STRN3: variants seen among roughly 807,000 people sequenced by gnomAD.
STRN3 encodes the protein striatin 3.
Under a neutral mutation model 95.6 loss-of-function variants are expected in STRN3, and 29 were observed. The ratio of observed to expected loss-of-function variants is 0.30; its 90% CI spans 0.23 to 0.41. STRN3 has a LOEUF of 0.41. Among genes scored for constraint, STRN3 ranks in the 10% least tolerant of loss-of-function variants. The pLI, the probability that STRN3 is intolerant of heterozygous loss-of-function variation, is 1.00. For missense variants in STRN3, 890 were observed against 972.1 expected (o/e 0.92, Z 1.12); for synonymous variants, 331 against 357.6 (o/e 0.93, Z 0.84).
chr14:30,911,668 ACATCTTTT>A, intron 12 of STRN3, 101 bp downstream of exon 12: 1 of 960,198 alleles, frequency 1.0e-6, no homozygotes, highest in Non-Finnish European at 1.5e-6. Context: ...TTCAAGTAAT[ACATCTTTT>A]CTAATACAAA....
chr14:30,954,888 T>C (rs1047591353), intron 3 of STRN3, among the ~76,000 whole-genome samples: 26 of 150,658 alleles, frequency 1.7e-4, no homozygotes, highest in Admixed American at 1.5e-3. Flanking sequence ...CTGAATATTC[T>C]AGCCATACTG....
chr14:30,966,013 C>T (rs1057108503), intron 1 of STRN3, among the ~76,000 whole-genome samples: 5 of 152,184 alleles, frequency 3.3e-5, no homozygotes, highest in African/African-American at 4.8e-5. Flanking sequence ...ACCTGCTCCA[C>T]TCTACATTCC....
At chr14:30,906,077 G>A (rs987900605) in intron 14 of STRN3, among the ~76,000 whole-genome samples, 6 of 152,104 alleles carry the variant, frequency 3.9e-5, no homozygotes, top group African/African-American at 1.4e-4. Flanking sequence ...GGCCTGAGCA[G>A]CAATTTCTCT....
At chr14:30,949,330 A>G (rs1156676818) in intron 4 of STRN3, among the ~76,000 whole-genome samples, 2 of 152,220 alleles carry the variant, frequency 1.3e-5, no homozygotes, top group Non-Finnish European at 2.9e-5. Context: ...ACATTTACAG[A>G]GGCCAGGTGC....
intron 1 of STRN3, among the ~76,000 whole-genome samples, chr14:30,975,603 A>AG (rs1881061606): frequency 6.6e-6 from 1 of 151,900 alleles, no homozygotes; most frequent in Non-Finnish European, 1.5e-5. Context: ...AAGAAAAGAA[A>AG]AAAGAAAAGA....
intron 4 of STRN3, among the ~76,000 whole-genome samples, chr14:30,948,973 G>A (rs1416578757): frequency 2.0e-5 from 3 of 152,178 alleles, no homozygotes; most frequent in South Asian, 4.1e-4. Flanking sequence ...ACTGACTCAT[G>A]GGCAATTATT....
chr14:30,954,534 T>C (rs1017610098), intron 3 of STRN3, among the ~76,000 whole-genome samples: 1 of 152,208 alleles, frequency 6.6e-6, no homozygotes, highest in African/African-American at 2.4e-5. Flanking sequence ...TTTGTTTGGT[T>C]TTCCACTAAA....
chr14:30,990,821 A>C (rs1004964572), intron 1 of STRN3, among the ~76,000 whole-genome samples: 3 of 152,178 alleles, frequency 2.0e-5, no homozygotes, highest in African/African-American at 7.2e-5. Context: ...ATGTAGGTGC[A>C]TGTAAATAGT....
At chr14:31,005,212 G>A (rs1390316873) in intron 1 of STRN3, among the ~76,000 whole-genome samples, 1 of 152,064 alleles carries the variant, frequency 6.6e-6, no homozygotes, top group African/African-American at 2.4e-5. Context: ...CACGCCAGAA[G>A]TCCCAGCTAC....
In STRN3 at chr14:30,935,448, C is replaced by T. The variant is rs1878771419; in HGVS notation, c.847-144G>A. 4 of 822,942 alleles carry T rather than the reference C, an allele frequency of 4.9e-6. No individual in the cohort carries two copies. The East Asian group carries it at 1.1e-4, about 23-fold the overall frequency. The allele number at this position is 822,942 out of a possible 1,614,324, so 51.0% of individuals were successfully genotyped here. ...AGATCTCCTATGTAATTCACAAATC[C>T]CAAATTATACTTCAGATAAATGGTT... On this transcript the variant is annotated intron_variant, in intron 6 of 17. Transcript: ENST00000357479.
intron 3 of STRN3, among the ~76,000 whole-genome samples, chr14:30,954,423 T>C (rs1446994375): frequency 6.6e-6 from 1 of 152,178 alleles, no homozygotes; most frequent in Non-Finnish European, 1.5e-5. Context: ...TTTGGGGGTA[T>C]ATAAAAGGCG....
At chr14:30,989,121 G>T (rs1881828779) in intron 1 of STRN3, among the ~76,000 whole-genome samples, 1 of 152,134 alleles carries the variant, frequency 6.6e-6, no homozygotes, top group African/African-American at 2.4e-5. Flanking sequence ...ATCATCCACA[G>T]AAAGTAGTCT....
chr14:30,923,634 TACA>T, intron 8 of STRN3, among the ~76,000 whole-genome samples: 1 of 152,294 alleles, frequency 6.6e-6, no homozygotes, highest in African/African-American at 2.4e-5. Flanking sequence ...GGAAAGCCTA[TACA>T]TCTTTTCAAG....
chr14:31,004,802 T>C (rs1190710063), intron 1 of STRN3, among the ~76,000 whole-genome samples: 1 of 151,970 alleles, frequency 6.6e-6, no homozygotes, highest in Non-Finnish European at 1.5e-5. Context: ...TTTTTAAATC[T>C]TGGGGGAAAG....
At chr14:31,004,466 A>T (rs1015605234) in intron 1 of STRN3, among the ~76,000 whole-genome samples, 4 of 152,078 alleles carry the variant, frequency 2.6e-5, no homozygotes, top group Admixed American at 2.6e-4. Context: ...AAAATAAGTT[A>T]AAATACATAA....
rs142292752 is a variant in STRN3 at position 30,993,485 on chromosome 14, G to A, written c.282+32419C>T. 9.0e-3 allele frequency among the ~76,000 whole-genome samples: 1,369 copies of A among 152,210 alleles called. 9 individuals are homozygous for A. Among genetic ancestry groups the A allele is most frequent in the Non-Finnish European group, 0.014 (920 of 68,022 alleles). On this transcript the variant is annotated intron_variant, in intron 1 of 17. Coordinates refer to ENST00000357479, the MANE Select transcript of STRN3 (RefSeq NM_001083893.2). ...TATTTGCAGTTAAACACATTCAAAT[G>A]ACTTAAATATAACATGAGAAATGGA...
intron 5 of STRN3, among the ~76,000 whole-genome samples, chr14:30,946,443 C>G (rs928768608): frequency 1.3e-5 from 2 of 152,070 alleles, no homozygotes; most frequent in East Asian, 1.9e-4. Flanking sequence ...ACTCAGGAGG[C>G]TGAGGTGGGA....
At chr14:30,983,841 AAC>A (rs1881528510) in intron 1 of STRN3, among the ~76,000 whole-genome samples, 1 of 152,180 alleles carries the variant, frequency 6.6e-6, no homozygotes, top group African/African-American at 2.4e-5. Context: ...AAAAAACCTA[AAC>A]ACAGTCTCTA....
chr14:30,895,243 T>C lies in STRN3; in HGVS notation c.*168A>G, dbSNP rs1896110525. On this transcript the variant is annotated 3_prime_UTR_variant, in exon 18 of 18. Transcript: ENST00000357479. The stretch of plus-strand genomic sequence containing the variant: ...ACAAAATACAGTAATTACAGTTAAC[T>C]TAATGAGCTTGACATTAAGATGTGA... 4.3e-6 allele frequency: 3 copies of C among 699,076 alleles called. No homozygotes were observed. The highest frequency in any genetic ancestry group is 5.5e-5 in the East Asian group (2 of 36,512). The allele number at this position is 699,076 out of a possible 1,614,324, so 43.3% of individuals were successfully genotyped here.
Sources: gnomAD v4.1 joint callset for allele counts (sites outside exome capture counted in the v4.1 genomes callset) on GRCh38, gnomAD v4.1.1 for gene constraint, MANE v1.5 for transcripts, NCBI Gene and HGNC (gene_info 2026-07-23, HGNC 2026-07-21) for gene names.